ZNF521: variants seen among roughly 807,000 people sequenced by gnomAD.
The protein encoded by ZNF521 is LYST-interacting protein 3.
Under a neutral mutation model 105.5 loss-of-function variants are expected in ZNF521, and 14 were observed. The ratio of observed to expected loss-of-function variants is 0.13; its 90% CI spans 0.09 to 0.21. The LOEUF (loss-of-function observed/expected upper bound fraction) is 0.21. Among genes scored for constraint, ZNF521 ranks in the 10% least tolerant of loss-of-function variants. The probability of loss-of-function intolerance (pLI) is 1.00; values close to 1 mark genes in which losing one functional copy is unlikely to be tolerated. For synonymous variants in ZNF521, 635 were observed against 606.0 expected (o/e 1.05, Z -0.70); for missense variants, 1,233 against 1,629.7 (o/e 0.76, Z 4.19).
intron 4 of ZNF521, among the ~76,000 whole-genome samples, chr18:25,198,758 C>T (rs1000847621): frequency 1.3e-5 from 2 of 151,746 alleles, no homozygotes. Context: ...GAAAGCTTTT[C>T]TTTATAGAAG....
intron 4 of ZNF521, among the ~76,000 whole-genome samples, chr18:25,209,798 G>A (rs1006856426): frequency 8.6e-5 from 13 of 151,910 alleles, no homozygotes; most frequent in Admixed American, 2.6e-4. Flanking sequence ...ATTTATATGC[G>A]TTTCTACCTT....
chr18:25,312,248 A>G (rs1912348958), intron 3 of ZNF521, among the ~76,000 whole-genome samples: 1 of 152,200 alleles, frequency 6.6e-6, no homozygotes, highest in Non-Finnish European at 1.5e-5. Flanking sequence ...CAGTACAGAC[A>G]GTCCTTTCAT....
At chr18:25,220,289 T>C (rs566904924) in intron 4 of ZNF521, among the ~76,000 whole-genome samples, 2 of 152,294 alleles carry the variant, frequency 1.3e-5, no homozygotes, top group East Asian at 3.9e-4. Flanking sequence ...ATTGGTCAAT[T>C]AGGCCAGAAG....
At chr18:25,159,809 T>C (rs1315828109) in intron 5 of ZNF521, among the ~76,000 whole-genome samples, 1 of 152,172 alleles carries the variant, frequency 6.6e-6, no homozygotes, top group African/African-American at 2.4e-5. Flanking sequence ...TTGGACAAGC[T>C]ACTCAGCATC....
intron 7 of ZNF521, among the ~76,000 whole-genome samples, chr18:25,071,001 T>A (rs1481206429): frequency 6.6e-6 from 1 of 152,100 alleles, no homozygotes; most frequent in Non-Finnish European, 1.5e-5. Context: ...ATTGACAGGT[T>A]TAAATTAGAG....
At chr18:25,340,398 A>G (rs1454879445) in intron 2 of ZNF521, among the ~76,000 whole-genome samples, 1 of 151,890 alleles carries the variant, frequency 6.6e-6, no homozygotes, top group Non-Finnish European at 1.5e-5. Context: ...AAATCAAACA[A>G]CACACTTTGA....
At chr18:25,218,105 T>A (rs973396311) in intron 4 of ZNF521, among the ~76,000 whole-genome samples, 34 of 152,318 alleles carry the variant, frequency 2.2e-4, no homozygotes, top group African/African-American at 8.2e-4. Flanking sequence ...TGAAGGGTCC[T>A]GTATTTCACA....
At chr18:25,144,680 GA>G (rs71266975) in intron 5 of ZNF521, among the ~76,000 whole-genome samples, 5 of 149,456 alleles carry the variant, frequency 3.3e-5, no homozygotes, top group Admixed American at 6.7e-5. Flanking sequence ...AGGCTTTAAA[GA>G]AAAAAAAAAT....
At position 25,150,964 on chromosome 18, in the gene ZNF521, C is replaced by T. The variant is rs1017694593; in HGVS notation, c.3658+44196G>A. Among the ~76,000 whole-genome samples, 4 of 149,876 alleles carry T rather than the reference C, an allele frequency of 2.7e-5. No homozygotes were observed. In the Admixed American group the frequency reaches 2.7e-4, roughly 10 times the overall value. On this transcript the variant is annotated intron_variant, in intron 5 of 7. Transcript: ENST00000361524. ...AGTACAGTGGTGTGATCACGGCTCA[C>T]TGTAGCCTTGACCTCCTTGGCTCAA... is the stretch of plus-strand genomic sequence containing the variant.
At chr18:25,096,936 T>C (rs1182323846) in intron 5 of ZNF521, among the ~76,000 whole-genome samples, 1 of 152,172 alleles carries the variant, frequency 6.6e-6, no homozygotes, top group Admixed American at 6.5e-5. Flanking sequence ...TGCCCTACAG[T>C]TGTAACTTAT....
chr18:25,180,526 C>A (rs2035614597), intron 5 of ZNF521, among the ~76,000 whole-genome samples: 1 of 143,934 alleles, frequency 6.9e-6, no homozygotes, highest in Admixed American at 7.0e-5. Context: ...AAAAAAAAAC[C>A]CCACATTTAT....
intron 3 of ZNF521, among the ~76,000 whole-genome samples, chr18:25,248,007 G>A (rs978548150): frequency 1.3e-5 from 2 of 152,072 alleles, no homozygotes; most frequent in Non-Finnish European, 2.9e-5. Context: ...GTCACTATAT[G>A]GTTGGTTTAC....
chr18:25,246,329 A>G (rs978540601), intron 3 of ZNF521, among the ~76,000 whole-genome samples: 1 of 152,224 alleles, frequency 6.6e-6, no homozygotes, highest in Admixed American at 6.5e-5. Flanking sequence ...ATTACACTTC[A>G]TATTTTGTGA....
intron 6 of ZNF521, among the ~76,000 whole-genome samples, chr18:25,089,978 C>A (rs763980317): frequency 7.2e-5 from 11 of 152,120 alleles, no homozygotes; most frequent in Non-Finnish European, 1.6e-4. Flanking sequence ...TTATAGCTAG[C>A]AAACAGTTCT....
Position 25,062,749 on chromosome 18 carries a change from TAACAAAA to T in ZNF521, c.3907-15_3907-9del. On this transcript the variant is annotated splice_polypyrimidine_tract_variant and intron_variant, in intron 7 of 7. Coordinates refer to ENST00000361524, the MANE Select transcript of ZNF521 (RefSeq NM_015461.3). The stretch of plus-strand genomic sequence containing the variant: ...TTGGGTCATTGTATGATTCTGTAAA[TAACAAAA>T]AAAAAAAAAAAAAAAAAAAAAAAAA... The T allele has an allele frequency of 1.5e-5, 3 of 204,572 alleles. No homozygotes were observed. The highest frequency in any genetic ancestry group is 2.1e-5 in the Non-Finnish European group (3 of 140,836). 12.7% of individuals were successfully genotyped at this position (204,572 alleles called of 1,614,324 possible).
chr18:25,086,347 T>C (rs1011417458), intron 7 of ZNF521, among the ~76,000 whole-genome samples: 4 of 152,096 alleles, frequency 2.6e-5, no homozygotes, highest in African/African-American at 9.7e-5. Context: ...TTCCATCCTC[T>C]AAGCACTGGT....
At position 25,098,870 on chromosome 18, in the gene ZNF521, T is replaced by G. The variant is rs2033907439; in HGVS notation, c.3659-6789A>C. On this transcript the variant is annotated intron_variant, in intron 5 of 7. Coordinates refer to ENST00000361524, the MANE Select transcript of ZNF521 (RefSeq NM_015461.3). ...TCTGTTCTCTGACTTGAAAGAAAGT[T>G]TGTGAGCACGCAAATACAAGTATAA... 6.6e-5 allele frequency among the ~76,000 whole-genome samples: 10 copies of G among 152,322 alleles called. No homozygotes were observed. In the South Asian group the frequency reaches 2.1e-3, roughly 32 times the overall value.
chr18:25,272,203 C>T (rs1207591518), intron 3 of ZNF521, among the ~76,000 whole-genome samples: 1 of 151,966 alleles, frequency 6.6e-6, no homozygotes, highest in Non-Finnish European at 1.5e-5. Context: ...AAATCAAAAC[C>T]CCAATGAGAT....
At chr18:25,120,108 A>C (rs905242725) in intron 5 of ZNF521, among the ~76,000 whole-genome samples, 12 of 152,226 alleles carry the variant, frequency 7.9e-5, no homozygotes, top group Non-Finnish European at 1.6e-4. Context: ...TCTATTAAAG[A>C]AATTGAACTT....
Sources: gnomAD v4.1 joint callset for allele counts (sites outside exome capture counted in the v4.1 genomes callset) on GRCh38, gnomAD v4.1.1 for gene constraint, MANE v1.5 for transcripts, NCBI Gene and HGNC (gene_info 2026-07-23, HGNC 2026-07-21) for gene names.